Variants in SLC16A10 observed in about 807,000 individuals in gnomAD.
The protein encoded by SLC16A10 is solute carrier family 16 member 10.
SLC16A10 carries 27 observed loss-of-function variants against 40.0 expected under a neutral mutation model. The ratio of observed to expected loss-of-function variants is 0.67; its 90% CI spans 0.50 to 0.93. The LOEUF is 0.93. SLC16A10 is among the 40% of genes least tolerant of loss of function. The pLI, the probability that SLC16A10 is intolerant of heterozygous loss-of-function variation, is 0.00. For missense variants in SLC16A10, 529 were observed against 658.2 expected, an observed-to-expected ratio of 0.80 and a Z score of 2.15; for synonymous variants, 213 against 249.8, an observed-to-expected ratio of 0.85 and a Z score of 1.39.
intron 3 of SLC16A10, among the ~76,000 whole-genome samples, chr6:111,185,898 A>G (rs935820654): frequency 6.9e-6 from 1 of 144,620 alleles, no homozygotes; most frequent in African/African-American, 2.7e-5. Flanking sequence ...AAATTTCACC[A>G]GTGGGTTTTT....
At chr6:111,151,072 C>T (rs1772164945) in intron 1 of SLC16A10, among the ~76,000 whole-genome samples, 1 of 152,120 alleles carries the variant, frequency 6.6e-6, no homozygotes, top group African/African-American at 2.4e-5. Context: ...TACTCAGCAA[C>T]AATTAAAGGT....
At chr6:111,195,014 G>A (rs775671991) in intron 3 of SLC16A10, among the ~76,000 whole-genome samples, 10 of 151,996 alleles carry the variant, frequency 6.6e-5, no homozygotes, top group Non-Finnish European at 1.2e-4. Flanking sequence ...CAGCAACCCT[G>A]TGTACCCAAA....
chr6:111,098,888 T>C (rs1036456814), intron 1 of SLC16A10, among the ~76,000 whole-genome samples: 4 of 152,228 alleles, frequency 2.6e-5, no homozygotes, highest in Non-Finnish European at 4.4e-5. Flanking sequence ...CATGTAGTTA[T>C]TGACTGTAAG....
intron 5 of SLC16A10, 23 bp from the exon 6 acceptor site, chr6:111,221,980 G>A: frequency 6.3e-7 from 1 of 1,590,518 alleles, no homozygotes; most frequent in Middle Eastern, 1.7e-4. Flanking sequence ...TTCTCCCTTG[G>A]TGACAGCTTT....
At chr6:111,126,388 T>A (rs1368561174) in intron 1 of SLC16A10, among the ~76,000 whole-genome samples, 1 of 152,202 alleles carries the variant, frequency 6.6e-6, no homozygotes, top group Non-Finnish European at 1.5e-5. Context: ...ATCCTTTGAT[T>A]AGCTTCTTCT....
chr6:111,122,159 T>TG (rs1771595655), intron 1 of SLC16A10, among the ~76,000 whole-genome samples: 1 of 152,156 alleles, frequency 6.6e-6, no homozygotes. Flanking sequence ...CACAGTGTTG[T>TG]GGGGAGTGAT....
Position 111,100,990 on chromosome 6 carries a change from CTCTATATATATATA to C in SLC16A10, c.343+12897_343+12910del, listed in dbSNP as rs1388831475. Among the ~76,000 whole-genome samples the C allele has an allele frequency of 1.9e-3, 132 of 70,986 alleles. 1 individual carries two copies. The highest frequency in any genetic ancestry group is 7.9e-3 in the African/African-American group (126 of 15,872). The allele number at this position is 70,986 out of a possible 152,430, so 46.6% of individuals were successfully genotyped here. A position where few individuals can be genotyped will look rare whatever the true frequency, so the allele number is the denominator to read the frequency against. On this transcript the variant is annotated intron_variant, in intron 1 of 5. Coordinates refer to ENST00000368851, the MANE Select transcript of SLC16A10 (RefSeq NM_018593.5). ...TCTCTCTCTCTCTCTCTCTCTCTCT[CTCTATATATATATA>C]TATATATATATATAAATATATGTAT...
intron 1 of SLC16A10, among the ~76,000 whole-genome samples, chr6:111,144,970 C>T (rs1015685739): frequency 6.6e-6 from 1 of 152,074 alleles, no homozygotes; most frequent in African/African-American, 2.4e-5. Flanking sequence ...TGGTACCACA[C>T]AGGCGCATGC....
intron 1 of SLC16A10, among the ~76,000 whole-genome samples, chr6:111,151,189 A>AT (rs1183796666): frequency 6.6e-6 from 1 of 152,094 alleles, no homozygotes; most frequent in Non-Finnish European, 1.5e-5. Flanking sequence ...TACAGTAACT[A>AT]TTTTTTTCCT....
At chr6:111,173,793 A>T (rs1350180403) in intron 2 of SLC16A10, among the ~76,000 whole-genome samples, 1 of 152,214 alleles carries the variant, frequency 6.6e-6, no homozygotes, top group Non-Finnish European at 1.5e-5. Flanking sequence ...ATTCTACATT[A>T]TGATGAGTTG....
chr6:111,135,682 G>A (rs147342721), intron 1 of SLC16A10, among the ~76,000 whole-genome samples: 79 of 152,294 alleles, frequency 5.2e-4, no homozygotes, highest in African/African-American at 1.8e-3. Flanking sequence ...AGGATTCAGG[G>A]ATAGCCCCCA....
intron 1 of SLC16A10, among the ~76,000 whole-genome samples, chr6:111,146,415 C>T (rs149434189): frequency 5.3e-5 from 8 of 152,170 alleles, no homozygotes; most frequent in Admixed American, 1.3e-4. Flanking sequence ...CACAGCAATT[C>T]TACTTTTAGG....
intron 3 of SLC16A10, among the ~76,000 whole-genome samples, chr6:111,188,854 A>G (rs1772944232): frequency 6.6e-6 from 1 of 152,222 alleles, no homozygotes; most frequent in African/African-American, 2.4e-5. Context: ...TTATAAGGAA[A>G]GCAGTGCTAA....
chr6:111,146,600 G>GT (rs1030486604), intron 1 of SLC16A10, among the ~76,000 whole-genome samples: 34 of 149,308 alleles, frequency 2.3e-4, no homozygotes, highest in African/African-American at 8.2e-4. Context: ...GCTGGGCGTG[G>GT]TGGGGGGGCG....
chr6:111,122,932 A>G (rs1771610527), intron 1 of SLC16A10, among the ~76,000 whole-genome samples: 1 of 152,180 alleles, frequency 6.6e-6, no homozygotes, highest in Admixed American at 6.5e-5. Flanking sequence ...TATTTTATTT[A>G]CTACCAGTTC....
At chr6:111,135,788 G>T (rs529986226) in intron 1 of SLC16A10, among the ~76,000 whole-genome samples, 9 of 152,288 alleles carry the variant, frequency 5.9e-5, no homozygotes, top group African/African-American at 2.2e-4. Context: ...TTAGCCGCCC[G>T]TTCAGAAACC....
At position 111,098,578 on chromosome 6, in the gene SLC16A10, A is replaced by G. The variant is rs187713659; in HGVS notation, c.343+10483A>G. Reference sequence around the variant, plus strand: ...TACAAAAATAGAAAACTACCTGTTCATTAAATGGTGATATTTATTGACTTT... The same window carrying G: ...TACAAAAATAGAAAACTACCTGTTCGTTAAATGGTGATATTTATTGACTTT... On this transcript the variant is annotated intron_variant, in intron 1 of 5. Coordinates refer to ENST00000368851, the MANE Select transcript of SLC16A10 (RefSeq NM_018593.5). 2.4e-4 allele frequency among the ~76,000 whole-genome samples: 36 copies of G among 152,344 alleles called. No individual in the cohort carries two copies. In the East Asian group the frequency reaches 6.7e-3, roughly 29 times the overall value.
Position 111,121,520 on chromosome 6 carries a change from C to T in SLC16A10, c.343+33425C>T, listed in dbSNP as rs115184498. Among the ~76,000 whole-genome samples, 148 of 152,322 alleles carry T rather than the reference C, an allele frequency of 9.7e-4. 1 individual carries two copies. Among genetic ancestry groups the T allele is most frequent in the African/African-American group, 3.3e-3 (137 of 41,572 alleles). ...AGGCTGTGGTCAGCTCTGATTATGC[C>T]ACTGCACCCCAGCTTGGGTGATACA... On this transcript the variant is annotated intron_variant, in intron 1 of 5. Coordinates refer to ENST00000368851, the MANE Select transcript of SLC16A10 (RefSeq NM_018593.5).
intron 1 of SLC16A10, among the ~76,000 whole-genome samples, chr6:111,092,312 GTTGTTTTTTTTTTT>G (rs1770990174): frequency 9.8e-6 from 1 of 101,768 alleles, no homozygotes; most frequent in Non-Finnish European, 2.0e-5. Context: ...CTCTTTTTTT[GTTGTTTTTTTTTTT>G]TTTTTTTTTT....
Sources: allele counts gnomAD v4.1 joint callset (sites outside exome capture counted in the v4.1 genomes callset), GRCh38; gene constraint gnomAD v4.1.1; transcripts MANE v1.5; gene names NCBI Gene and HGNC (gene_info 2026-07-23, HGNC 2026-07-21).